The following PHF2 variants were observed in gnomAD, a reference collection of about 807,000 sequenced individuals.
PHF2 encodes the protein lysine-specific demethylase PHF2.
PHF2 carries 27 observed loss-of-function variants against 120.5 expected under a neutral mutation model. The observed-to-expected ratio is 0.22, with a 90% confidence interval of 0.17 to 0.31. The LOEUF is 0.31. PHF2 is among the 10% of genes least tolerant of loss of function. The pLI is 1.00. For missense variants in PHF2, 1,024 were observed against 1,434.8 expected, an observed-to-expected ratio of 0.71 and a Z score of 4.63; for synonymous variants, 568 against 592.5, an observed-to-expected ratio of 0.96 and a Z score of 0.60.
Position 93,639,836 on chromosome 9 carries a change from G to A in PHF2, c.299+3311G>A, listed in dbSNP as rs190306055. Among the ~76,000 whole-genome samples, 37 of 152,320 alleles carry A rather than the reference G, an allele frequency of 2.4e-4. No individual in the cohort carries two copies. The East Asian group carries it at 5.6e-3, about 23-fold the overall frequency. ...GAAGAAAGCTCTCTAGCTGGGAGCC[G>A]GTGGGGACGAAGCCTGTGTTTTTGG... On this transcript the variant is annotated intron_variant, in intron 3 of 21. Transcript: ENST00000359246.
rs781285775 is a variant in PHF2 at position 93,656,062 on chromosome 9, C to T, written c.1040+41C>T. ...CTGTCTGCCCTCGGGCTCCGCAGAGCAGCGTCCTCCCTCTAGCTGGGTCGG... is the reference window on the plus strand; with the variant it reads ...CTGTCTGCCCTCGGGCTCCGCAGAGTAGCGTCCTCCCTCTAGCTGGGTCGG... On this transcript the variant is annotated intron_variant, in intron 8 of 21. Coordinates refer to ENST00000359246, the MANE Select transcript of PHF2 (RefSeq NM_005392.4). This position sits in a 1 kb window ranked among gnomAD's most constrained non-coding sequence, Gnocchi z 4.1. 2 of 1,536,050 alleles carry T rather than the reference C, an allele frequency of 1.3e-6. No homozygotes were observed. Among genetic ancestry groups the T allele is most frequent in the East Asian group, 4.7e-5 (2 of 43,002 alleles).
chr9:93,662,068 TG>T (rs1826578479), intron 12 of PHF2, among the ~76,000 whole-genome samples: 1 of 150,322 alleles, frequency 6.7e-6, no homozygotes, highest in South Asian at 2.1e-4. Flanking sequence ...AGTGGATGGA[TG>T]GTTGGGTGGA....
chr9:93,597,983 T>C (rs1248900665), intron 1 of PHF2, among the ~76,000 whole-genome samples: 5 of 152,120 alleles, frequency 3.3e-5, no homozygotes, highest in African/African-American at 4.8e-5. Flanking sequence ...GGTCCTCAGG[T>C]CAACATGGCA....
intron 3 of PHF2, among the ~76,000 whole-genome samples, chr9:93,637,705 A>G (rs1180466618): frequency 6.6e-6 from 1 of 152,206 alleles, no homozygotes; most frequent in Non-Finnish European, 1.5e-5. Flanking sequence ...GGTGATGGTC[A>G]TTTGCGTTGT....
At chr9:93,663,682 A>G (rs773230643) in intron 14 of PHF2, 47 bp downstream of exon 14, 1 of 1,036,150 alleles carries the variant, frequency 9.7e-7, no homozygotes, top group Non-Finnish European at 1.5e-6. Context: ...CATAACCGAC[A>G]TCACACACAC....
At chr9:93,648,167 A>G (rs554477182) in intron 4 of PHF2, among the ~76,000 whole-genome samples, 64 of 152,218 alleles carry the variant, frequency 4.2e-4, no homozygotes, top group African/African-American at 1.4e-3. Flanking sequence ...ATTTCATTCT[A>G]TCCTGTTGGT....
In PHF2 at chr9:93,677,101, T is replaced by C; in HGVS notation, c.3202+138T>C. On this transcript the variant is annotated intron_variant, in intron 21 of 21. Coordinates refer to ENST00000359246, the MANE Select transcript of PHF2 (RefSeq NM_005392.4). The surrounding 1 kb of genome is among the most constrained non-coding windows in gnomAD (Gnocchi z 4.4). Reference sequence around the variant, plus strand: ...CTGGGCCTTGGGTGGCAGGGTGCTGTGGTCCAAGTTGGTTGCATCTTTGTG... The same window carrying C: ...CTGGGCCTTGGGTGGCAGGGTGCTGCGGTCCAAGTTGGTTGCATCTTTGTG... 1.1e-6 allele frequency: 1 copy of C among 883,420 alleles called. No homozygotes were observed. The highest frequency in any genetic ancestry group is 1.7e-6 in the Non-Finnish European group (1 of 595,130). 54.7% of individuals were successfully genotyped at this position (883,420 alleles called of 1,614,324 possible). A position where few individuals can be genotyped will look rare whatever the true frequency, so the allele number is the denominator to read the frequency against.
chr9:93,580,765 T>C (rs987645208), intron 1 of PHF2, among the ~76,000 whole-genome samples: 1 of 152,208 alleles, frequency 6.6e-6, no homozygotes, highest in Non-Finnish European at 1.5e-5. Context: ...TTTGTTGGGC[T>C]TGTATTCTGT....
intron 17 of PHF2, among the ~76,000 whole-genome samples, 173 bp downstream of exon 17, chr9:93,667,413 C>G (rs974800142): frequency 2.6e-5 from 4 of 152,260 alleles, no homozygotes; most frequent in African/African-American, 9.6e-5. Flanking sequence ...GTTCGTCCCA[C>G]TGGGGCTTTC....
Position 93,576,783 on chromosome 9 carries a change from G to A in PHF2, c.10G>A (p.Val4Met). MAT[V>M]PVYCVCRLPY... ...GGCGCGGCGCGGCAACATGGCGACG[G>A]TGCCCGTGTACTGCGTCTGCCGGCT... Residue 4 changes from valine (V) to methionine (M), a missense_variant, in exon 1 of 22, where the codon GTG becomes ATG. Physicochemically the swap from Val to Met is conservative, Grantham distance 21 (BLOSUM62 1). Transcript: ENST00000359246. The A allele has an allele frequency of 2.4e-6, 3 of 1,266,830 alleles. No individual in the cohort carries two copies. Among genetic ancestry groups the A allele is most frequent in the Non-Finnish European group, 3.1e-6 (3 of 973,210 alleles). 78.5% of individuals were successfully genotyped at this position (1,266,830 alleles called of 1,614,324 possible).
In PHF2 at chr9:93,676,785, C is replaced by T; in HGVS notation, c.3024C>T (p.Ser1008=). ...GCAGCCAGGCCTCGCAGGAGGGCAGCTCGCCAGAGCCCCCGCCTGAGTCGC... is the reference window on the plus strand; with the variant it reads ...GCAGCCAGGCCTCGCAGGAGGGCAGTTCGCCAGAGCCCCCGCCTGAGTCGC... ...TASSQASQEG[S]SPEPPPESHS... The change falls in exon 21 of 22, where the codon AGC becomes AGT. Residue 1008 remains serine (S), a synonymous_variant. Coordinates refer to ENST00000359246, the MANE Select transcript of PHF2 (RefSeq NM_005392.4). The T allele has an allele frequency of 6.4e-7, 1 of 1,552,218 alleles. No homozygotes were observed. Among genetic ancestry groups the T allele is most frequent in the East Asian group, 2.4e-5 (1 of 41,002 alleles).
intron 12 of PHF2, among the ~76,000 whole-genome samples, chr9:93,662,534 G>A (rs1467264495): frequency 6.2e-5 from 1 of 16,140 alleles, no homozygotes; most frequent in East Asian, 8.5e-4. Flanking sequence ...ATGGGTGGGC[G>A]GATGGATGGA....
chr9:93,655,209 C>T (rs763090434), intron 7 of PHF2, among the ~76,000 whole-genome samples: 1 of 151,810 alleles, frequency 6.6e-6, no homozygotes, highest in Non-Finnish European at 1.5e-5. Context: ...GAACAATTAA[C>T]AGCATTTCCC....
At chr9:93,646,097 C>T (rs1321523905) in intron 4 of PHF2, among the ~76,000 whole-genome samples, 2 of 152,226 alleles carry the variant, frequency 1.3e-5, no homozygotes, top group African/African-American at 4.8e-5. Context: ...CATGACACTG[C>T]CATGCCTGGG....
intron 12 of PHF2, 99 bp from the exon 13 acceptor site, chr9:93,662,808 C>T (rs978083563): frequency 5.7e-5 from 82 of 1,450,024 alleles, no homozygotes; most frequent in Non-Finnish European, 6.8e-5. Context: ...GCTTGAGCTG[C>T]AAGCACATGG....
chr9:93,640,752 A>G (rs1169072543), intron 3 of PHF2, among the ~76,000 whole-genome samples: 1 of 152,110 alleles, frequency 6.6e-6, no homozygotes, highest in East Asian at 1.9e-4. Context: ...TTTTCTTGCC[A>G]TTTAGCAGGC....
intron 1 of PHF2, among the ~76,000 whole-genome samples, chr9:93,612,019 A>G (rs1825644502): frequency 1.3e-5 from 2 of 152,212 alleles, no homozygotes; most frequent in South Asian, 2.1e-4. Flanking sequence ...ACAGAGGGGC[A>G]TATTTATGGA....
At chr9:93,614,254 C>T (rs1329162008) in intron 1 of PHF2, among the ~76,000 whole-genome samples, 3 of 152,242 alleles carry the variant, frequency 2.0e-5, no homozygotes, top group Non-Finnish European at 4.4e-5. Flanking sequence ...CTCACTTCCT[C>T]ACCCAGGAGC....
At chr9:93,660,596 C>T (rs1415551349) in intron 12 of PHF2, 36 bp downstream of exon 12, 6 of 1,506,680 alleles carry the variant, frequency 4.0e-6, no homozygotes, top group Non-Finnish European at 5.3e-6. Flanking sequence ...CACCTTATCA[C>T]CAGAGGTGCT....
Sources: allele counts gnomAD v4.1 joint callset (sites outside exome capture counted in the v4.1 genomes callset), GRCh38; gene constraint gnomAD v4.1.1; non-coding constraint Gnocchi (gnomAD v3.1); transcripts MANE v1.5; gene names NCBI Gene and HGNC (gene_info 2026-07-23, HGNC 2026-07-21).